Variants in CUX1 observed in about 807,000 individuals in gnomAD.
CUX1 encodes protein CASP.
A neutral mutation model predicts 158.8 loss-of-function variants in CUX1; 31 were observed. The observed-to-expected ratio is 0.20, with a 90% CI of 0.15 to 0.26. The LOEUF (loss-of-function observed/expected upper bound fraction) is 0.26. Among genes scored for constraint, CUX1 ranks in the 10% least tolerant of loss-of-function variants. The pLI is 1.00. For missense variants in CUX1, 1,589 were observed against 2,014.6 expected, an observed-to-expected ratio of 0.79 and a Z score of 4.04; for synonymous variants, 879 against 862.1, an observed-to-expected ratio of 1.02 and a Z score of -0.34.
At chr7:101,934,179 G>C (rs1806644621) in intron 2 of CUX1, among the ~76,000 whole-genome samples, 1 of 152,186 alleles carries the variant, frequency 6.6e-6, no homozygotes, top group South Asian at 2.1e-4. Flanking sequence ...TCATCACACT[G>C]TAACGATGAT....
chr7:102,248,757 C>A lies in CUX1; in HGVS notation c.4233C>A (p.Thr1411=). ...CCAGCCCCGCCTCCGCGACCGCCAC[C>A]GCCGCGCCCGCGGCCCCCGAGGACG... ...PLPSPASATA[T]AAPAAPEDAA... is the part of the protein sequence containing the mutation. Residue 1411 remains threonine (T), a synonymous_variant, in exon 24 of 24, where the codon ACC becomes ACA. Transcript: ENST00000292535. The surrounding 1 kb of genome is among the most constrained non-coding windows in gnomAD (Gnocchi z 5.8). The A allele has an allele frequency of 9.7e-7, 1 of 1,033,870 alleles. No individual in the cohort carries two copies. The highest frequency in any genetic ancestry group is 1.2e-6 in the Non-Finnish European group (1 of 861,054). 64.0% of individuals were successfully genotyped at this position (1,033,870 alleles called of 1,614,324 possible).
intron 1 of CUX1, among the ~76,000 whole-genome samples, chr7:101,872,591 G>A (rs1461028850): frequency 6.6e-6 from 1 of 150,580 alleles, no homozygotes; most frequent in Admixed American, 6.6e-5. Flanking sequence ...GTAAAGCTAT[G>A]TGTTAGGTAC....
chr7:102,247,034 C>T (rs1191890740), intron 23 of CUX1, among the ~76,000 whole-genome samples: 2 of 152,030 alleles, frequency 1.3e-5, no homozygotes, highest in Non-Finnish European at 2.9e-5. Flanking sequence ...CCTGTCTCTA[C>T]AATATTTTAA....
At chr7:101,868,999 G>C (rs1475355454) in intron 1 of CUX1, among the ~76,000 whole-genome samples, 1 of 152,222 alleles carries the variant, frequency 6.6e-6, no homozygotes, top group Non-Finnish European at 1.5e-5. Flanking sequence ...GGCATGATCT[G>C]GGCCATGCCC....
At chr7:102,260,935 A>C (rs1341929129), downstream of CUX1, among the ~76,000 whole-genome samples, 4 of 152,202 alleles carry the variant, frequency 2.6e-5, no homozygotes, top group African/African-American at 4.8e-5. Context: ...GCTGGTGTCT[A>C]CTTCAGCTCA....
chr7:102,190,627 A>C (rs1794171905), intron 12 of CUX1, among the ~76,000 whole-genome samples: 1 of 152,172 alleles, frequency 6.6e-6, no homozygotes, highest in Non-Finnish European at 1.5e-5. Flanking sequence ...GTTATTAAGC[A>C]CTGCAAACGA....
intron 1 of CUX1, among the ~76,000 whole-genome samples, chr7:101,842,613 C>A (rs112200390): frequency 1.2e-4 from 19 of 152,178 alleles, no homozygotes; most frequent in African/African-American, 4.6e-4. Context: ...CTTTAACTCC[C>A]GGACTCAAGT....
intron 14 of CUX1, among the ~76,000 whole-genome samples, chr7:102,267,074 G>A (rs1034302531): frequency 3.9e-5 from 6 of 152,068 alleles, no homozygotes; most frequent in Admixed American, 1.3e-4. Flanking sequence ...ATGGGGAGCC[G>A]GCTGGGGGGG....
At position 102,200,184 on chromosome 7, in the gene CUX1, A is replaced by T. The variant is rs369162311; in HGVS notation, c.2062+12A>T. The T allele has an allele frequency of 1.7e-5, 27 of 1,598,932 alleles. No homozygotes were observed. The highest frequency in any genetic ancestry group is 2.2e-5 in the Non-Finnish European group (26 of 1,171,614). ...AGTGCAGAAAACTGGTACAGCTTCCATTTCTTCATCCACTGTCTTCAAACT... is the reference window on the plus strand; with the variant it reads ...AGTGCAGAAAACTGGTACAGCTTCCTTTTCTTCATCCACTGTCTTCAAACT... On this transcript the variant is annotated intron_variant, in intron 17 of 23. Transcript: ENST00000292535.
chr7:102,069,605 C>T (rs898002437), intron 3 of CUX1, among the ~76,000 whole-genome samples: 2 of 152,168 alleles, frequency 1.3e-5, no homozygotes, highest in Non-Finnish European at 2.9e-5. Flanking sequence ...AAAAATTAGT[C>T]TGGCATGGTG....
At chr7:102,150,620 C>T (rs976583936) in intron 8 of CUX1, among the ~76,000 whole-genome samples, 2 of 152,226 alleles carry the variant, frequency 1.3e-5, no homozygotes, top group Non-Finnish European at 2.9e-5. Flanking sequence ...GCGCCAACAC[C>T]GTGCCCCGAT....
rs1166466960 is a variant in CUX1, at chr7:102,036,764, A to AC, written c.189+8619_189+8620insC. The stretch of plus-strand genomic sequence containing the variant: ...CTCAAAAAAACAAGCAAACAAACAA[A>AC]AAAAAAAAAAAACACCGGAATCTGG... On this transcript the variant is annotated intron_variant, in intron 3 of 23. Transcript: ENST00000292535. Among the ~76,000 whole-genome samples, 477 of 150,308 alleles carry AC rather than the reference A, an allele frequency of 3.2e-3. 5 individuals are homozygous for AC. Among genetic ancestry groups the AC allele is most frequent in the East Asian group, 0.017 (88 of 5,090 alleles).
At chr7:102,013,182 A>G (rs1165576078) in intron 2 of CUX1, among the ~76,000 whole-genome samples, 1 of 152,166 alleles carries the variant, frequency 6.6e-6, no homozygotes, top group Admixed American at 6.6e-5. Context: ...GTCTTTGGAC[A>G]TGCTGTCTTG....
intron 7 of CUX1, among the ~76,000 whole-genome samples, chr7:102,112,785 G>A (rs546047656): frequency 1.3e-5 from 2 of 152,020 alleles, no homozygotes; most frequent in South Asian, 2.1e-4. Flanking sequence ...TGGCCAGTCC[G>A]GTCTGTATCT....
At chr7:102,019,468 A>G (rs1047620593) in intron 2 of CUX1, among the ~76,000 whole-genome samples, 1 of 152,054 alleles carries the variant, frequency 6.6e-6, no homozygotes, top group Non-Finnish European at 1.5e-5. Flanking sequence ...CATGTGATCC[A>G]CCTGCCTTGG....
intron 2 of CUX1, among the ~76,000 whole-genome samples, chr7:101,921,954 C>CA (rs566408706): frequency 5.3e-5 from 8 of 151,826 alleles, no homozygotes; most frequent in Admixed American, 6.6e-5. Flanking sequence ...TCCATCTCTA[C>CA]AAAAAAATCA....
At chr7:102,075,849 C>T (rs1039726734) in intron 4 of CUX1, among the ~76,000 whole-genome samples, 1 of 152,208 alleles carries the variant, frequency 6.6e-6, no homozygotes, top group Non-Finnish European at 1.5e-5. Flanking sequence ...ACTTAGCATT[C>T]GGAGTTGCCC....
At chr7:101,830,621 TTTTTTTACATA>T (rs1793882625) in intron 1 of CUX1, among the ~76,000 whole-genome samples, 1 of 151,490 alleles carries the variant, frequency 6.6e-6, no homozygotes, top group Non-Finnish European at 1.5e-5. Context: ...CCTGGCTAAT[TTTTTTTACATA>T]TTTTTATACA....
At chr7:102,276,702 T>C (rs1342172854) in intron 17 of CUX1, among the ~76,000 whole-genome samples, 1 of 152,204 alleles carries the variant, frequency 6.6e-6, no homozygotes, top group Non-Finnish European at 1.5e-5. Flanking sequence ...TTGGCAAATA[T>C]TAAAACCACA....
Sources: gnomAD v4.1 joint callset for allele counts (sites outside exome capture counted in the v4.1 genomes callset) on GRCh38, gnomAD v4.1.1 for gene constraint, Gnocchi (gnomAD v3.1) non-coding constraint, MANE v1.5 for transcripts, NCBI Gene and HGNC (gene_info 2026-07-23, HGNC 2026-07-21) for gene names.